The following FRMD3 variants were observed in gnomAD, a reference collection of about 807,000 sequenced individuals.
The protein encoded by FRMD3 is FERM domain containing 3.
A neutral mutation model predicts 70.2 loss-of-function variants in FRMD3; 33 were observed. The ratio of observed to expected loss-of-function variants is 0.47; its 90% CI spans 0.36 to 0.63. FRMD3 has a LOEUF of 0.63. Among genes scored for constraint, FRMD3 ranks in the 20% least tolerant of loss-of-function variants. The pLI, the probability that FRMD3 is intolerant of heterozygous loss-of-function variation, is 0.00. For missense variants in FRMD3, 632 were observed against 711.4 expected (o/e 0.89, Z 1.27); for synonymous variants, 279 against 255.9 (o/e 1.09, Z -0.86).
intron 3 of FRMD3, among the ~76,000 whole-genome samples, chr9:83,352,298 T>C (rs1330615581): frequency 6.6e-6 from 1 of 152,208 alleles, no homozygotes. Flanking sequence ...GTCCCCTGAC[T>C]ATCAGCAATT....
At chr9:83,400,942 G>C (rs1452009679) in intron 1 of FRMD3, among the ~76,000 whole-genome samples, 1 of 152,070 alleles carries the variant, frequency 6.6e-6, no homozygotes, top group Non-Finnish European at 1.5e-5. Context: ...TGGAATATTT[G>C]CTTCTCTAAC....
chr9:83,279,577 A>T (rs185050391), intron 13 of FRMD3: 13 of 152,152 alleles, frequency 8.5e-5, no homozygotes, highest in Non-Finnish European at 5.9e-5. Context: ...AGACTGGATT[A>T]AAAAAAGTGG....
intron 1 of FRMD3, among the ~76,000 whole-genome samples, chr9:83,494,950 A>G (rs1828911221): frequency 6.6e-6 from 1 of 152,182 alleles, no homozygotes; most frequent in Non-Finnish European, 1.5e-5. Flanking sequence ...ATAAAACAAA[A>G]GATCATAAAT....
Position 83,292,727 on chromosome 9 carries a change from AACCTCC to A in FRMD3, c.1071-2006_1071-2001del, listed in dbSNP as rs1227193919. Among the ~76,000 whole-genome samples the A allele has an allele frequency of 1.7e-4, 26 of 151,936 alleles. No individual in the cohort carries two copies. In the East Asian group the frequency reaches 4.9e-3, roughly 28 times the overall value. ...CAGTGGTACGATCTCGGCTCACTACAACCTCCACCTCCTGGGTTCAAGTGATTCTCC... is the reference window on the plus strand; with the variant it reads ...CAGTGGTACGATCTCGGCTCACTACAACCTCCTGGGTTCAAGTGATTCTCC... On this transcript the variant is annotated intron_variant, in intron 12 of 13. Transcript: ENST00000304195.
the FRMD3 span, among the ~76,000 whole-genome samples, chr9:83,580,217 T>G: frequency 6.6e-6 from 1 of 151,992 alleles, no homozygotes. Context: ...ATGAAAAAAT[T>G]GTGTGTAGGT....
chr9:83,393,950 T>TTG (rs1825741933), intron 1 of FRMD3, among the ~76,000 whole-genome samples: 1 of 139,922 alleles, frequency 7.1e-6, no homozygotes, highest in African/African-American at 3.1e-5. Context: ...GTTGTTGTTG[T>TTG]TTTTTTTTAC....
At chr9:83,447,849 G>A (rs1302260201) in intron 1 of FRMD3, among the ~76,000 whole-genome samples, 1 of 152,162 alleles carries the variant, frequency 6.6e-6, no homozygotes, top group Non-Finnish European at 1.5e-5. Flanking sequence ...TGTCCTCATT[G>A]TGCCCAAGTT....
intron 1 of FRMD3, among the ~76,000 whole-genome samples, chr9:83,392,937 T>C (rs987467596): frequency 6.6e-6 from 1 of 152,244 alleles, no homozygotes; most frequent in Non-Finnish European, 1.5e-5. Context: ...ATCAAGCAGC[T>C]AATTTAAATT....
chr9:83,372,994 A>G, intron 2 of FRMD3, 39 bp from the exon 3 acceptor site: 1 of 1,561,806 alleles, frequency 6.4e-7, no homozygotes, highest in South Asian at 1.1e-5. Flanking sequence ...TCAGGGGTCA[A>G]ATTGCTGGAC....
At chr9:83,483,837 G>A (rs1048572743) in intron 1 of FRMD3, among the ~76,000 whole-genome samples, 1 of 152,158 alleles carries the variant, frequency 6.6e-6, no homozygotes, top group Non-Finnish European at 1.5e-5. Context: ...TCCAGCCTGG[G>A]TGACAGAGCA....
Position 83,380,336 on chromosome 9 carries a change from A to T in FRMD3, c.253-7381T>A, listed in dbSNP as rs140599586. Among the ~76,000 whole-genome samples, 74 of 152,224 alleles carry T rather than the reference A, an allele frequency of 4.9e-4. 2 individuals carry two copies. In the Middle Eastern group the frequency reaches 0.024, roughly 49 times the overall value. The stretch of plus-strand genomic sequence containing the variant: ...AAAAAGCAGAGAGATTCCTAACCCT[A>T]TGTTTTGGTTTCCTTATCTGTGATC... On this transcript the variant is annotated intron_variant, in intron 2 of 13. Transcript: ENST00000304195.
intron 1 of FRMD3, among the ~76,000 whole-genome samples, chr9:83,525,541 G>A (rs1829667682): frequency 6.6e-6 from 1 of 152,144 alleles, no homozygotes. Context: ...CATATAACAT[G>A]TTTAATTTTG....
intron 1 of FRMD3, among the ~76,000 whole-genome samples, chr9:83,484,030 C>A (rs1828630190): frequency 6.6e-6 from 1 of 152,162 alleles, no homozygotes; most frequent in Non-Finnish European, 1.5e-5. Context: ...ATTCTTCTCA[C>A]TGAGAGAGGA....
At chr9:83,462,362 G>A (rs1828000542) in intron 1 of FRMD3, among the ~76,000 whole-genome samples, 1 of 152,136 alleles carries the variant, frequency 6.6e-6, no homozygotes, top group Non-Finnish European at 1.5e-5. Context: ...AAGCATCAAG[G>A]AGGCCCCTGG....
At chr9:83,518,224 G>C (rs1829495322) in intron 1 of FRMD3, among the ~76,000 whole-genome samples, 1 of 152,162 alleles carries the variant, frequency 6.6e-6, no homozygotes, top group Non-Finnish European at 1.5e-5. Context: ...TGACATGATT[G>C]TATATTTAGA....
intron 13 of FRMD3, among the ~76,000 whole-genome samples, chr9:83,290,042 G>C (rs1834360919): frequency 6.6e-6 from 1 of 152,178 alleles, no homozygotes; most frequent in Non-Finnish European, 1.5e-5. Flanking sequence ...GAAGGATCAA[G>C]AACAAGAAGC....
intron 3 of FRMD3, chr9:83,350,553 G>A (rs1456924582): frequency 6.3e-6 from 1 of 157,672 alleles, no homozygotes; most frequent in Non-Finnish European, 1.3e-5. Flanking sequence ...AACCCAGGAG[G>A]CGGAGGTTGC....
intron 1 of FRMD3, among the ~76,000 whole-genome samples, chr9:83,510,373 C>T (rs532370738): frequency 6.6e-6 from 1 of 152,324 alleles, no homozygotes; most frequent in East Asian, 1.9e-4. Context: ...CAGATAATAA[C>T]CAGTGTTACT....
intron 12 of FRMD3, among the ~76,000 whole-genome samples, chr9:83,294,273 G>T (rs1449784151): frequency 6.6e-6 from 1 of 152,160 alleles, no homozygotes; most frequent in African/African-American, 2.4e-5. Context: ...CAATCTGCTG[G>T]TGTCTTGATC....
Sources: gnomAD v4.1 joint callset for allele counts (sites outside exome capture counted in the v4.1 genomes callset) on GRCh38, gnomAD v4.1.1 for gene constraint, MANE v1.5 for transcripts, NCBI Gene and HGNC (gene_info 2026-07-23, HGNC 2026-07-21) for gene names.